Variants in CFAP54 observed in about 807,000 individuals in gnomAD.
The protein encoded by CFAP54 is cilia- and flagella-associated protein 54.
In CFAP54, 290 loss-of-function variants were observed where a neutral mutation model predicts 370.4. That is an observed-to-expected ratio of 0.78 (90% CI 0.71 to 0.86). CFAP54 has a LOEUF of 0.86. Among genes scored for constraint, CFAP54 ranks in the 40% least tolerant of loss-of-function variants. The probability of loss-of-function intolerance (pLI) is 0.00; values close to 1 mark genes in which losing one functional copy is unlikely to be tolerated. For missense variants in CFAP54, 3,399 were observed against 3,528.7 expected (o/e 0.96, Z 0.93); for synonymous variants, 1,206 against 1,236.5 (o/e 0.98, Z 0.52).
intron 51 of CFAP54, 59 bp downstream of exon 51, chr12:96,740,120 C>A: frequency 2.1e-6 from 2 of 937,742 alleles, no homozygotes; most frequent in Non-Finnish European, 1.7e-6. Flanking sequence ...TATTGGCATG[C>A]TAGGATATTG....
At chr12:96,503,863 A>G (rs1955059595) in intron 2 of CFAP54, 23 bp from the exon 3 acceptor site, 3 of 1,462,502 alleles carry the variant, frequency 2.1e-6, no homozygotes, top group East Asian at 2.6e-5. Context: ...TGGAACTTTA[A>G]TCAAGTACTC....
At position 96,718,522 on chromosome 12, in the gene CFAP54, G is replaced by A. The variant is rs753855772; in HGVS notation, c.6804G>A (p.Lys2268=). The A allele has an allele frequency of 1.3e-6, 2 of 1,549,354 alleles. No homozygotes were observed. Among genetic ancestry groups the A allele is most frequent in the Non-Finnish European group, 1.8e-6 (2 of 1,125,398 alleles). Reference sequence around the variant, plus strand: ...ATGAGATCACTCTTAGCATGCTAAAGGTAAGTTTGAAACTGTTTTCAAACC... The same window carrying A: ...ATGAGATCACTCTTAGCATGCTAAAAGTAAGTTTGAAACTGTTTTCAAACC... ...LKDEITLSML[K]SMLLMEAEDR... is the part of the protein sequence containing the mutation. Residue 2268 remains lysine (K), a splice_region_variant and synonymous_variant, in exon 49 of 68, where the codon AAG becomes AAA. Transcript: ENST00000524981.
At chr12:96,713,597 A>G (rs776242464) in intron 48 of CFAP54, among the ~76,000 whole-genome samples, 4 of 152,202 alleles carry the variant, frequency 2.6e-5, no homozygotes, top group African/African-American at 7.2e-5. Context: ...AAAACTTGTT[A>G]TGGTAGAAAA....
At position 96,560,279 on chromosome 12, in the gene CFAP54, C is replaced by G. The variant is rs548014217; in HGVS notation, c.2411-4189C>G. ...CCAATCTCTGGTTATCCCCCTACCC[C>G]CAATCCCTTCCCAGCCTCTGTTAAC... On this transcript the variant is annotated intron_variant, in intron 17 of 67. Coordinates refer to ENST00000524981, the MANE Select transcript of CFAP54 (RefSeq NM_001306084.2). 4.6e-5 allele frequency among the ~76,000 whole-genome samples: 7 copies of G among 152,294 alleles called. 1 individual carries two copies. Among genetic ancestry groups the G allele is most frequent in the Admixed American group, 1.3e-4 (2 of 15,288 alleles).
At chr12:96,595,865 C>T (rs1280139913) in intron 25 of CFAP54, among the ~76,000 whole-genome samples, 1 of 152,074 alleles carries the variant, frequency 6.6e-6, no homozygotes, top group African/African-American at 2.4e-5. Flanking sequence ...ATCCCAGCCT[C>T]CCCCAGATAT....
intron 66 of CFAP54, among the ~76,000 whole-genome samples, chr12:96,849,534 T>G (rs781557931): frequency 6.6e-6 from 1 of 152,246 alleles, no homozygotes. Context: ...TCGTAGATTC[T>G]TTGAAGACTA....
intron 13 of CFAP54, chr12:96,538,766 T>C (rs1023191103): frequency 7.4e-6 from 3 of 407,050 alleles, no homozygotes; most frequent in Non-Finnish European, 8.9e-6. Flanking sequence ...CCTTTTTTTT[T>C]TTGGCAGAGT....
At chr12:96,770,676 G>T (rs187832912) in intron 60 of CFAP54, among the ~76,000 whole-genome samples, 2 of 152,278 alleles carry the variant, frequency 1.3e-5, no homozygotes, top group Admixed American at 1.3e-4. Flanking sequence ...GATAATAAGG[G>T]GATGAGTGGC....
chr12:96,762,856 C>G (rs752940497), intron 58 of CFAP54, among the ~76,000 whole-genome samples: 2 of 151,992 alleles, frequency 1.3e-5, no homozygotes, highest in Non-Finnish European at 2.9e-5. Context: ...GTCATCTTCT[C>G]CCAGGCTTAA....
At chr12:96,818,989 C>G (rs1021887015) in intron 65 of CFAP54, among the ~76,000 whole-genome samples, 3 of 152,164 alleles carry the variant, frequency 2.0e-5, no homozygotes, top group African/African-American at 7.2e-5. Context: ...GAGATGTATT[C>G]TGTACTTATT....
intron 33 of CFAP54, 102 bp from the exon 34 acceptor site, chr12:96,647,773 G>T: frequency 2.0e-6 from 2 of 1,016,606 alleles, no homozygotes; most frequent in South Asian, 1.8e-5. Flanking sequence ...TAAAATTTGG[G>T]AGTACTCACA....
chr12:96,548,855 G>A (rs1955666361), intron 15 of CFAP54, among the ~76,000 whole-genome samples: 2 of 150,780 alleles, frequency 1.3e-5, no homozygotes, highest in Non-Finnish European at 3.0e-5. Context: ...TCCTCCGGTA[G>A]ATTTTTTTTT....
chr12:96,686,826 G>A (rs568551329), intron 42 of CFAP54, among the ~76,000 whole-genome samples: 3 of 152,234 alleles, frequency 2.0e-5, no homozygotes, highest in South Asian at 4.2e-4. Context: ...ATTTCTAGGG[G>A]ATAGAATTTA....
intron 38 of CFAP54, among the ~76,000 whole-genome samples, chr12:96,659,147 C>T (rs1440554351): frequency 6.6e-6 from 1 of 152,206 alleles, no homozygotes; most frequent in Admixed American, 6.5e-5. Context: ...AGTTTCTACA[C>T]AATGTACCTG....
At position 96,657,659 on chromosome 12, in the gene CFAP54, C is replaced by T. The variant is rs1468992; in HGVS notation, c.5101-223C>T. Among the ~76,000 whole-genome samples the T allele has an allele frequency of 9.4e-3, 1,427 of 152,252 alleles. 18 individuals are homozygous for T. The highest frequency in any genetic ancestry group is 0.033 in the African/African-American group (1,364 of 41,548). ...GCAGGTTTCTAGTGGCTATAGGGAACGATAATGAACAGCACAAATATATAG... is the reference window on the plus strand; with the variant it reads ...GCAGGTTTCTAGTGGCTATAGGGAATGATAATGAACAGCACAAATATATAG... On this transcript the variant is annotated intron_variant, in intron 36 of 67. Coordinates refer to ENST00000524981, the MANE Select transcript of CFAP54 (RefSeq NM_001306084.2).
At chr12:96,827,935 GTTATATATAATATATAA>G (rs1195534317) in intron 65 of CFAP54, among the ~76,000 whole-genome samples, 11 of 102,668 alleles carry the variant, frequency 1.1e-4, no homozygotes, top group African/African-American at 3.9e-4. Context: ...ATTATATATA[GTTATATATAATATATAA>G]TTATATATAA....
At chr12:96,753,583 A>G (rs370482899) in intron 55 of CFAP54, among the ~76,000 whole-genome samples, 160 bp from the exon 56 acceptor site, 16 of 152,342 alleles carry the variant, frequency 1.1e-4, no homozygotes, top group East Asian at 9.6e-4. Flanking sequence ...AATATTGGGT[A>G]TTATATGTCT....
At chr12:96,648,401 T>C (rs1176825751) in intron 34 of CFAP54, among the ~76,000 whole-genome samples, 2 of 152,198 alleles carry the variant, frequency 1.3e-5, no homozygotes, top group East Asian at 3.9e-4. Context: ...AACATACTAA[T>C]ACAAGCAGTC....
intron 19 of CFAP54, among the ~76,000 whole-genome samples, chr12:96,566,159 G>A (rs897315514): frequency 3.3e-5 from 5 of 152,074 alleles, no homozygotes; most frequent in African/African-American, 9.7e-5. Flanking sequence ...ACCCAGTCTC[G>A]GGTATGTCTT....
Sources: gnomAD v4.1 joint callset for allele counts (sites outside exome capture counted in the v4.1 genomes callset) on GRCh38, gnomAD v4.1.1 for gene constraint, MANE v1.5 for transcripts, NCBI Gene and HGNC (gene_info 2026-07-23, HGNC 2026-07-21) for gene names.